Variants in LRP5 observed in about 807,000 individuals in gnomAD.
LRP5 encodes LDL receptor related protein 5, also known as low-density lipoprotein receptor-related protein 5.
A neutral mutation model predicts 154.1 loss-of-function variants in LRP5; 62 were observed. The ratio of observed to expected loss-of-function variants is 0.40; its 90% CI spans 0.33 to 0.50. LRP5 has a LOEUF of 0.50. Ranked by LOEUF, LRP5 falls within the 20% of genes least tolerant of loss-of-function variation. The pLI, the probability that LRP5 is intolerant of heterozygous loss-of-function variation, is 0.55. For missense variants in LRP5, 1,915 were observed against 2,336.7 expected (o/e 0.82, Z 3.72); for synonymous variants, 966 against 1,011.5 (o/e 0.96, Z 0.85).
chr11:68,341,798 C>T (rs1338768948), intron 1 of LRP5, among the ~76,000 whole-genome samples: 1 of 152,178 alleles, frequency 6.6e-6, no homozygotes, highest in African/African-American at 2.4e-5. Context: ...CCCCGACCCA[C>T]TTCACCCTGC....
chr11:68,312,110 T>C (rs975112029), upstream of LRP5, among the ~76,000 whole-genome samples: 5 of 152,220 alleles, frequency 3.3e-5, no homozygotes, highest in African/African-American at 1.2e-4. Flanking sequence ...AGGGTACACA[T>C]TTAGTTTACA....
chr11:68,358,511 G>A (rs775508543), intron 3 of LRP5, among the ~76,000 whole-genome samples: 5 of 152,144 alleles, frequency 3.3e-5, no homozygotes, highest in African/African-American at 1.2e-4. Flanking sequence ...CTTATGGCCC[G>A]GCAGGGTTGT....
chr11:68,346,422 C>T (rs752191116), intron 1 of LRP5, among the ~76,000 whole-genome samples: 11 of 152,258 alleles, frequency 7.2e-5, no homozygotes, highest in Non-Finnish European at 1.6e-4. Context: ...GGCCTGTGCT[C>T]GGAACCATCT....
chr11:68,429,557 C>G lies in LRP5; in HGVS notation c.3638-18C>G, dbSNP rs770494505. On this transcript the variant is annotated intron_variant, in intron 16 of 22. Coordinates refer to ENST00000294304, the MANE Select transcript of LRP5 (RefSeq NM_002335.4). ...GAGACAGAGCCTGACCTCTGTTTGT[C>G]TTGTTTTGTCTTTGCAGCAGCCCAC... The G allele has an allele frequency of 6.2e-7, 1 of 1,613,988 alleles. No individual in the cohort carries two copies. The highest frequency in any genetic ancestry group is 8.5e-7 in the Non-Finnish European group (1 of 1,180,014).
At chr11:68,305,064 A>G in the LRP5 span, among the ~76,000 whole-genome samples, 5 of 151,968 alleles carry the variant, frequency 3.3e-5, no homozygotes, top group African/African-American at 1.2e-4. Flanking sequence ...CTGGGGGGCC[A>G]GGGGTGGAAT....
chr11:68,425,390 GTGCC>G (rs1565103069), intron 15 of LRP5, 98 bp downstream of exon 15: 5 of 1,278,110 alleles, frequency 3.9e-6, no homozygotes, highest in Non-Finnish European at 5.5e-6. Context: ...CGTGAGCCCA[GTGCC>G]GCGCCAGGGG....
chr11:68,322,211 G>A (rs1486106656), intron 1 of LRP5, among the ~76,000 whole-genome samples: 1 of 151,914 alleles, frequency 6.6e-6, no homozygotes, highest in African/African-American at 2.4e-5. Flanking sequence ...CCTGAGCACT[G>A]TAGACACAGG....
chr11:68,374,008 C>T (rs946834762), intron 5 of LRP5, among the ~76,000 whole-genome samples: 10 of 152,230 alleles, frequency 6.6e-5, no homozygotes, highest in South Asian at 4.1e-4. Flanking sequence ...CTCCCGGCAG[C>T]GCCCAGATGA....
intron 2 of LRP5, among the ~76,000 whole-genome samples, chr11:68,351,801 G>T (rs1327418237): frequency 6.6e-6 from 1 of 152,190 alleles, no homozygotes; most frequent in Non-Finnish European, 1.5e-5. Context: ...GTGCTGTGGC[G>T]AGGGGCTTCC....
Position 68,403,707 on chromosome 11 carries a change from CG to C in LRP5, c.1801+14del, listed in dbSNP as rs1253220366. Reference sequence around the variant, plus strand: ...ATGTGGCCAAGGTCGTCGGTGAGTCCGGGGGGTCCCAAGCCATGGCTCAGCC... The same window carrying C: ...ATGTGGCCAAGGTCGTCGGTGAGTCCGGGGGTCCCAAGCCATGGCTCAGCC... On this transcript the variant is annotated intron_variant, in intron 8 of 22. Coordinates refer to ENST00000294304, the MANE Select transcript of LRP5 (RefSeq NM_002335.4). 7 of 1,612,732 alleles carry C rather than the reference CG, an allele frequency of 4.3e-6. No homozygotes were observed. Among genetic ancestry groups the C allele is most frequent in the Non-Finnish European group, 3.4e-6 (4 of 1,179,918 alleles).
At chr11:68,335,900 T>G (rs761967034) in intron 1 of LRP5, among the ~76,000 whole-genome samples, 12 of 152,334 alleles carry the variant, frequency 7.9e-5, no homozygotes, top group Non-Finnish European at 1.8e-4. Flanking sequence ...GACTCAGTTT[T>G]TTCACACTCT....
rs563715697 is a variant in LRP5 at position 68,383,637 on chromosome 11, A to C, written c.1016-2679A>C. On this transcript the variant is annotated intron_variant, in intron 5 of 22. Transcript: ENST00000294304. ...TCGGATTCTCCCTGCTCATCCCTGGATGTAGTGCTGCTGTGGATGTGGTTC... is the reference window on the plus strand; with the variant it reads ...TCGGATTCTCCCTGCTCATCCCTGGCTGTAGTGCTGCTGTGGATGTGGTTC... Among the ~76,000 whole-genome samples the C allele has an allele frequency of 3.3e-5, 5 of 152,308 alleles. No individual in the cohort carries two copies. In the South Asian group the frequency reaches 1.0e-3, roughly 32 times the overall value.
At chr11:68,402,912 C>T (rs1218225814) in intron 7 of LRP5, among the ~76,000 whole-genome samples, 2 of 152,262 alleles carry the variant, frequency 1.3e-5, no homozygotes, top group East Asian at 1.9e-4. Context: ...CCTCAGCTGG[C>T]CCTGTCACTG....
chr11:68,426,112 C>G lies in LRP5; in HGVS notation c.3562C>G (p.Arg1188Gly), dbSNP rs141178995. 6.2e-7 allele frequency: 1 copy of G among 1,613,186 alleles called. No individual in the cohort carries two copies. Among genetic ancestry groups the G allele is most frequent in the Non-Finnish European group, 8.5e-7 (1 of 1,180,030 alleles). The change falls in exon 16 of 23, where the codon CGG (arginine) becomes GGG (glycine). Residue 1188 changes from arginine to glycine, a missense_variant. Physicochemically the swap from Arg to Gly is moderately radical, Grantham distance 125 (BLOSUM62 -2). Around this residue, in one of 3 missense-constraint regions of LRP5, gnomAD observed 1,094 missense variants for 1,210.1 expected, o/e 0.90. Transcript: ENST00000294304. Reference sequence around the variant, plus strand: ...TGTGGAGAAGACCACCGGGGACAAGCGGACTCGCATCCAGGGCCGTGTCGC... The same window carrying G: ...TGTGGAGAAGACCACCGGGGACAAGGGGACTCGCATCCAGGGCCGTGTCGC... ...ERVEKTTGDK[R>G]TRIQGRVAHL...
chr11:68,375,501 C>CG (rs748829729), intron 5 of LRP5, among the ~76,000 whole-genome samples: 1 of 152,230 alleles, frequency 6.6e-6, no homozygotes, highest in East Asian at 1.9e-4. Flanking sequence ...CCCCTGCCCC[C>CG]GGCCACAGCG....
intron 2 of LRP5, among the ~76,000 whole-genome samples, chr11:68,350,329 A>G (rs2098617191): frequency 6.6e-6 from 1 of 152,192 alleles, no homozygotes; most frequent in Admixed American, 6.5e-5. Context: ...GAGCCACTGC[A>G]CCCAGCCTGA....
intron 1 of LRP5, among the ~76,000 whole-genome samples, chr11:68,340,822 G>C (rs1233051187): frequency 1.3e-5 from 2 of 152,184 alleles, no homozygotes; most frequent in African/African-American, 2.4e-5. Context: ...ATTACCCAGA[G>C]ACTTGTCTCC....
In LRP5 at chr11:68,409,236, A is replaced by C. The variant is rs1019582000; in HGVS notation, c.2092-678A>C. Among the ~76,000 whole-genome samples the C allele has an allele frequency of 1.4e-4, 19 of 140,484 alleles. 1 individual carries two copies. The highest frequency in any genetic ancestry group is 4.5e-4 in the African/African-American group (17 of 38,164). 92.2% of individuals were successfully genotyped at this position (140,484 alleles called of 152,430 possible). A position where few individuals can be genotyped will look rare whatever the true frequency, so the allele number is the denominator to read the frequency against. On this transcript the variant is annotated intron_variant, in intron 9 of 22. Transcript: ENST00000294304. ...ATATATAATATATAATATAAAATAT[A>C]TATTATATAATATATAATAAAATAT...
In LRP5 at chr11:68,406,634, A is replaced by G. The variant is rs758976409; in HGVS notation, c.1912A>G (p.Lys638Glu). The change falls in exon 9 of 23, where the codon AAG (lysine) becomes GAG (glutamate). Residue 638 changes from lysine to glutamate, a missense_variant. Around this residue, in one of 3 missense-constraint regions of LRP5, gnomAD observed 773 missense variants for 1,100.9 expected, o/e 0.70. Coordinates refer to ENST00000294304, the MANE Select transcript of LRP5 (RefSeq NM_002335.4). ...CGGCCTGGAGCTGCTGAGTGACATG[A>G]AGACCTGCATCGTGCCTGAGGCCTT... is the stretch of plus-strand genomic sequence containing the variant. ...PIGLELLSDMKTCIVPEAFLV... is the reference protein window; with the variant it reads ...PIGLELLSDMETCIVPEAFLV... The G allele has an allele frequency of 1.2e-6, 2 of 1,614,176 alleles. No individual in the cohort carries two copies. The highest frequency in any genetic ancestry group is 1.7e-6 in the Non-Finnish European group (2 of 1,180,038).
Sources: allele counts gnomAD v4.1 joint callset (sites outside exome capture counted in the v4.1 genomes callset), GRCh38; gene constraint gnomAD v4.1.1; regional missense constraint gnomAD v4.1.1; transcripts MANE v1.5; gene names NCBI Gene and HGNC (gene_info 2026-07-23, HGNC 2026-07-21).